The following CCDC30 variants were observed in gnomAD, a reference collection of about 807,000 sequenced individuals.
CCDC30 encodes coiled-coil domain-containing protein 30.
Under a neutral mutation model 100.2 loss-of-function variants are expected in CCDC30, and 70 were observed. That is an observed-to-expected ratio of 0.70 (90% CI 0.58 to 0.85). CCDC30 has a LOEUF of 0.85. Among genes scored for constraint, CCDC30 ranks in the 40% least tolerant of loss-of-function variants. The probability of loss-of-function intolerance (pLI) is 0.00; values close to 1 mark genes in which losing one functional copy is unlikely to be tolerated. For missense variants in CCDC30, 652 were observed against 771.2 expected (o/e 0.85, Z 1.83); for synonymous variants, 233 against 269.5 (o/e 0.86, Z 1.33).
the CCDC30 span, chr1:42,456,698 ACCAAGGT>A: frequency 6.2e-7 from 1 of 1,607,666 alleles, no homozygotes; most frequent in Non-Finnish European, 8.5e-7. Flanking sequence ...GTCAGGCGGC[ACCAAGGT>A]CCCACTGGAA....
chr1:42,563,876 C>CAA (rs879572200), intron 6 of CCDC30, among the ~76,000 whole-genome samples: 3 of 133,894 alleles, frequency 2.2e-5, no homozygotes, highest in African/African-American at 5.4e-5. Flanking sequence ...GACTCCATCT[C>CAA]AAAAAAAAAA....
chr1:42,533,455 A>G (rs987715444), intron 6 of CCDC30, among the ~76,000 whole-genome samples: 8 of 152,232 alleles, frequency 5.3e-5, no homozygotes, highest in Non-Finnish European at 8.8e-5. Flanking sequence ...GAGTATTCCC[A>G]TTACATATTT....
chr1:42,547,997 G>A (rs1170858561), intron 6 of CCDC30, among the ~76,000 whole-genome samples: 1 of 152,186 alleles, frequency 6.6e-6, no homozygotes, highest in African/African-American at 2.4e-5. Context: ...TGAGTAATCA[G>A]GGGCCAAGCA....
At chr1:42,517,331 C>A (rs972592088) in intron 6 of CCDC30, among the ~76,000 whole-genome samples, 2 of 152,218 alleles carry the variant, frequency 1.3e-5, no homozygotes. Flanking sequence ...AATCCTCCCA[C>A]CTTGGCCTCC....
intron 11 of CCDC30, among the ~76,000 whole-genome samples, chr1:42,627,427 T>A (rs775137116): frequency 2.0e-5 from 3 of 152,162 alleles, no homozygotes; most frequent in Admixed American, 2.0e-4. Context: ...AAACCCCATT[T>A]TTGAGGAGAA....
intron 1 of CCDC30, among the ~76,000 whole-genome samples, chr1:42,476,326 C>T (rs1339760476): frequency 6.6e-6 from 1 of 152,060 alleles, no homozygotes; most frequent in Non-Finnish European, 1.5e-5. Context: ...CCTTCACTAG[C>T]ATATTAAGGA....
intron 6 of CCDC30, among the ~76,000 whole-genome samples, chr1:42,525,654 T>C (rs929346907): frequency 6.6e-6 from 1 of 152,256 alleles, no homozygotes; most frequent in Non-Finnish European, 1.5e-5. Flanking sequence ...TGTCGAGGAC[T>C]GAATTTTATT....
At chr1:42,523,762 C>G (rs1644683682) in intron 6 of CCDC30, among the ~76,000 whole-genome samples, 1 of 152,138 alleles carries the variant, frequency 6.6e-6, no homozygotes, top group Non-Finnish European at 1.5e-5. Flanking sequence ...CCTCTGTTCA[C>G]TTTTCTTCAA....
exon 15 of CCDC30, chr1:42,646,291 G>C: frequency 1.3e-6 from 2 of 1,544,028 alleles, no homozygotes; most frequent in Non-Finnish European, 1.7e-6. Context: ...TGAGGCCACA[G>C]AGAAGTGGAA....
chr1:42,630,661 C>T (rs1273893077), intron 11 of CCDC30, among the ~76,000 whole-genome samples: 1 of 152,108 alleles, frequency 6.6e-6, no homozygotes, highest in Non-Finnish European at 1.5e-5. Context: ...GGATTACAGG[C>T]GTGAGCCACC....
chr1:42,583,184 G>C (rs1271281559), intron 9 of CCDC30, among the ~76,000 whole-genome samples: 1 of 151,770 alleles, frequency 6.6e-6, no homozygotes, highest in Non-Finnish European at 1.5e-5. Flanking sequence ...GATTTCTTTG[G>C]GCTGTTGTCT....
At chr1:42,626,350 A>C (rs1646933922) in intron 11 of CCDC30, among the ~76,000 whole-genome samples, 2 of 152,138 alleles carry the variant, frequency 1.3e-5, no homozygotes, top group South Asian at 4.1e-4. Context: ...GTCCATTTAC[A>C]TTCAATATTA....
intron 11 of CCDC30, among the ~76,000 whole-genome samples, chr1:42,634,427 A>C (rs1297904422): frequency 6.6e-6 from 1 of 152,194 alleles, no homozygotes; most frequent in African/African-American, 2.4e-5. Context: ...AGCCTTCCAC[A>C]GCAAATATTT....
intron 11 of CCDC30, 49 bp from the exon 16 acceptor site, chr1:42,637,188 A>C: frequency 6.7e-7 from 1 of 1,489,004 alleles, no homozygotes; most frequent in African/African-American, 1.4e-5. Context: ...GATGCAAAAT[A>C]AATTTTAACT....
intron 11 of CCDC30, among the ~76,000 whole-genome samples, chr1:42,615,902 GA>G (rs2148650268): frequency 6.6e-6 from 1 of 151,716 alleles, no homozygotes; most frequent in South Asian, 2.1e-4. Context: ...ATTTTATTTT[GA>G]ACTTGTTTTT....
intron 6 of CCDC30, among the ~76,000 whole-genome samples, chr1:42,526,874 A>G (rs2148509757): frequency 6.6e-6 from 1 of 152,300 alleles, no homozygotes; most frequent in South Asian, 2.1e-4. Flanking sequence ...TAAATTTTCA[A>G]ATTTGTCTCT....
At chr1:42,477,379 G>A (rs1328279181) in intron 1 of CCDC30, among the ~76,000 whole-genome samples, 2 of 151,940 alleles carry the variant, frequency 1.3e-5, no homozygotes, top group African/African-American at 2.4e-5. Context: ...ACAGATGCAC[G>A]CCACCATGCC....
At chr1:42,457,574 A>G in the CCDC30 span, 1 of 571,072 alleles carries the variant, frequency 1.8e-6, no homozygotes, top group Non-Finnish European at 3.1e-6. Context: ...GGAGGTATGT[A>G]CAAAGTGCAG....
intron 9 of CCDC30, 63 bp downstream of exon 13, chr1:42,581,577 T>A (rs753618979): frequency 4.9e-5 from 72 of 1,457,234 alleles, no homozygotes; most frequent in Non-Finnish European, 6.6e-5. Flanking sequence ...ATCAGCAATA[T>A]CAATTTTTTC....
Sources: allele counts gnomAD v4.1 joint callset (sites outside exome capture counted in the v4.1 genomes callset), GRCh38; gene constraint gnomAD v4.1.1; transcripts MANE v1.5; gene names NCBI Gene and HGNC (gene_info 2026-07-23, HGNC 2026-07-21).